KCNN2: variants seen among roughly 807,000 people sequenced by gnomAD.
KCNN2 encodes the protein small conductance calcium-activated potassium channel protein 2.
KCNN2 carries 24 observed loss-of-function variants against 55.5 expected under a neutral mutation model. The observed-to-expected ratio is 0.43, with a 90% CI of 0.31 to 0.61. The LOEUF is 0.61. Ranked by LOEUF, KCNN2 falls within the 20% of genes least tolerant of loss-of-function variation. The probability of loss-of-function intolerance (pLI) is 0.08; values close to 1 mark genes in which losing one functional copy is unlikely to be tolerated. For missense variants in KCNN2, 754 were observed against 853.6 expected, an observed-to-expected ratio of 0.88 and a Z score of 1.45; for synonymous variants, 431 against 336.1, an observed-to-expected ratio of 1.28 and a Z score of -3.09.
intron 3 of KCNN2, among the ~76,000 whole-genome samples, chr5:114,423,438 G>A (rs1234393930): frequency 6.6e-6 from 1 of 151,998 alleles, no homozygotes; most frequent in East Asian, 1.9e-4. Context: ...CTTAGGAAGT[G>A]TTTCATAAGT....
rs1004975205 is a variant in KCNN2 at position 114,405,718 on chromosome 5, T to G, written c.1637+862T>G. Among the ~76,000 whole-genome samples, 4 of 40,526 alleles carry G rather than the reference T, an allele frequency of 9.9e-5. No individual in the cohort carries two copies. The African/African-American group carries it at 1.0e-3, about 10-fold the overall frequency. The allele number at this position is 40,526 out of a possible 152,430, so 26.6% of individuals were successfully genotyped here. A position where few individuals can be genotyped will look rare whatever the true frequency, so the allele number is the denominator to read the frequency against. ...TTTTTTTTGTTTTGTTTTGTTTTGT[T>G]TTTTTTTTTTGAGACGGAGTCTCGC... On this transcript the variant is annotated intron_variant, in intron 3 of 7. Transcript: ENST00000673685.
intron 2 of KCNN2, among the ~76,000 whole-genome samples, chr5:114,391,007 G>T (rs1166433885): frequency 6.6e-6 from 1 of 152,108 alleles, no homozygotes; most frequent in Non-Finnish European, 1.5e-5. Context: ...AACTATCACT[G>T]CATCCTGGTG....
intron 4 of KCNN2, among the ~76,000 whole-genome samples, chr5:114,467,009 A>T (rs1200643995): frequency 6.6e-6 from 1 of 152,228 alleles, no homozygotes; most frequent in Non-Finnish European, 1.5e-5. Context: ...AGTTCAGGAC[A>T]GAAGCCTTTA....
chr5:114,490,378 T>C (rs1747790240), intron 6 of KCNN2, among the ~76,000 whole-genome samples: 1 of 152,250 alleles, frequency 6.6e-6, no homozygotes, highest in Non-Finnish European at 1.5e-5. Flanking sequence ...AAAATATTTC[T>C]TGTTGTTTAC....
chr5:114,173,371 C>A (rs1753076261), intron 1 of KCNN2, among the ~76,000 whole-genome samples: 1 of 151,216 alleles, frequency 6.6e-6, no homozygotes, highest in African/African-American at 2.4e-5. Context: ...TGTGATTTCT[C>A]TGGTTTTGTT....
At chr5:114,359,380 A>G (rs1757362016), upstream of KCNN2, among the ~76,000 whole-genome samples, 1 of 152,132 alleles carries the variant, frequency 6.6e-6, no homozygotes, top group Non-Finnish European at 1.5e-5. Flanking sequence ...TGAGATGATT[A>G]TTTCTACATG....
rs536037186 is a variant in KCNN2 at position 114,443,148 on chromosome 5, G to C, written c.1638-19901G>C. Among the ~76,000 whole-genome samples the C allele has an allele frequency of 1.2e-4, 18 of 152,028 alleles. No individual in the cohort carries two copies. In the South Asian group the frequency reaches 3.7e-3, roughly 32 times the overall value. On this transcript the variant is annotated intron_variant, in intron 3 of 7. Transcript: ENST00000673685. Reference sequence around the variant, plus strand: ...TTTGCTAAAAATACAAAAATTAACTGGGCGTGGTGGCGCGTGCCTGTAATC... The same window carrying C: ...TTTGCTAAAAATACAAAAATTAACTCGGCGTGGTGGCGCGTGCCTGTAATC...
intron 1 of KCNN2, among the ~76,000 whole-genome samples, chr5:114,215,158 G>A (rs773800815): frequency 1.3e-5 from 2 of 152,032 alleles, no homozygotes; most frequent in Non-Finnish European, 2.9e-5. Context: ...TTCACAGTTC[G>A]TATTTGTATT....
intron 1 of KCNN2, among the ~76,000 whole-genome samples, chr5:114,160,121 G>C (rs1253752082): frequency 6.6e-6 from 1 of 152,126 alleles, no homozygotes; most frequent in Non-Finnish European, 1.5e-5. Context: ...GGTCTTTCCT[G>C]CTTTCTCTCG....
chr5:114,369,801 CAAAT>C (rs758850800), intron 2 of KCNN2, among the ~76,000 whole-genome samples: 13 of 152,094 alleles, frequency 8.5e-5, no homozygotes, highest in Non-Finnish European at 1.3e-4. Context: ...AGCAGCATCA[CAAAT>C]GAATGAAGAG....
chr5:114,492,253 A>C (rs1197230230), intron 6 of KCNN2, among the ~76,000 whole-genome samples: 1 of 152,184 alleles, frequency 6.6e-6, no homozygotes, highest in African/African-American at 2.4e-5. Context: ...TCTCCCTGGC[A>C]GTAAAATCTT....
rs373784778 is a variant in KCNN2, at chr5:114,211,580, G to T, written c.-270-9900G>T. On this transcript the variant is annotated intron_variant, in intron 1 of 10. Coordinates refer to the KCNN2 transcript ENST00000512097. ...TACCTGAGGGAGGAGGGTGGGAGAAGGAAGATCAAAAAGATAACTGTTGGG... is the reference window on the plus strand; with the variant it reads ...TACCTGAGGGAGGAGGGTGGGAGAATGAAGATCAAAAAGATAACTGTTGGG... Among the ~76,000 whole-genome samples the T allele has an allele frequency of 4.3e-4, 65 of 152,124 alleles. 1 individual carries two copies. The South Asian group carries it at 7.5e-3, about 17-fold the overall frequency.
chr5:114,461,303 C>A (rs977295317), intron 3 of KCNN2, among the ~76,000 whole-genome samples: 6 of 152,198 alleles, frequency 3.9e-5, no homozygotes, highest in Non-Finnish European at 5.9e-5. Context: ...ACAGCCTCTA[C>A]ACCAAGACCT....
chr5:114,354,927 C>G (rs1462685411), intron 2 of KCNN2, among the ~76,000 whole-genome samples: 1 of 152,094 alleles, frequency 6.6e-6, no homozygotes, highest in African/African-American at 2.4e-5. Flanking sequence ...TAAGACAAAA[C>G]AGCAGTAATC....
At chr5:114,128,560 C>G (rs186717659) in intron 1 of KCNN2, among the ~76,000 whole-genome samples, 1 of 152,170 alleles carries the variant, frequency 6.6e-6, no homozygotes, top group Admixed American at 6.5e-5. Flanking sequence ...ACATTCTTAA[C>G]TCTAGTGGTT....
At chr5:114,284,709 G>A (rs975871090) in intron 2 of KCNN2, among the ~76,000 whole-genome samples, 4 of 151,670 alleles carry the variant, frequency 2.6e-5, no homozygotes, top group Non-Finnish European at 4.4e-5. Context: ...TAGTAGAGAC[G>A]GGGTTTCACC....
intron 2 of KCNN2, among the ~76,000 whole-genome samples, chr5:114,348,066 A>G (rs186942971): frequency 7.9e-5 from 12 of 152,274 alleles, no homozygotes; most frequent in Admixed American, 7.8e-4. Flanking sequence ...TGCTTCAAAC[A>G]GCCAAACCAC....
At chr5:114,425,721 G>A (rs1759601687) in intron 3 of KCNN2, among the ~76,000 whole-genome samples, 1 of 152,016 alleles carries the variant, frequency 6.6e-6, no homozygotes, top group Admixed American at 6.6e-5. Context: ...CCACTTCTTA[G>A]TACCTCCTCA....
At chr5:114,436,261 A>G (rs1234380594) in intron 3 of KCNN2, among the ~76,000 whole-genome samples, 1 of 152,172 alleles carries the variant, frequency 6.6e-6, no homozygotes, top group Non-Finnish European at 1.5e-5. Context: ...GTTTTGAAGT[A>G]TTTTTTAAGT....
Sources: gnomAD v4.1 joint callset for allele counts (sites outside exome capture counted in the v4.1 genomes callset) on GRCh38, gnomAD v4.1.1 for gene constraint, MANE v1.5 for transcripts, NCBI Gene and HGNC (gene_info 2026-07-23, HGNC 2026-07-21) for gene names.